COL5A2: variants seen among roughly 807,000 people sequenced by gnomAD.
COL5A2 encodes the protein collagen type V alpha 2 chain.
COL5A2 carries 23 observed loss-of-function variants against 208.2 expected under a neutral mutation model. That is an observed-to-expected ratio of 0.11 (90% CI 0.08 to 0.16). The LOEUF is 0.16. Ranked by LOEUF, COL5A2 falls within the 10% of genes least tolerant of loss-of-function variation. The pLI is 1.00. For synonymous variants in COL5A2, 625 were observed against 628.5 expected, an observed-to-expected ratio of 0.99 and a Z score of 0.08; for missense variants, 1,590 against 1,956.4, an observed-to-expected ratio of 0.81 and a Z score of 3.53.
the COL5A2 span, among the ~76,000 whole-genome samples, chr2:189,424,721 A>G: frequency 6.6e-6 from 1 of 152,220 alleles, no homozygotes; most frequent in African/African-American, 2.4e-5. Flanking sequence ...AATAACTAAT[A>G]TTGTTACAAT....
At chr2:189,084,344 C>A (rs965461226) in intron 11 of COL5A2, among the ~76,000 whole-genome samples, 1 of 152,096 alleles carries the variant, frequency 6.6e-6, no homozygotes, top group Admixed American at 6.5e-5. Context: ...CATAAACATA[C>A]ATGTATGCTA....
intron 29 of COL5A2, among the ~76,000 whole-genome samples, chr2:189,061,963 G>C (rs2105587463): frequency 6.6e-6 from 1 of 152,098 alleles, no homozygotes; most frequent in Non-Finnish European, 1.5e-5. Context: ...TTTTATTATA[G>C]TTTATTTCTG....
intron 1 of COL5A2, among the ~76,000 whole-genome samples, chr2:189,223,303 G>A (rs1285637101): frequency 6.6e-6 from 1 of 152,074 alleles, no homozygotes; most frequent in Admixed American, 6.6e-5. Flanking sequence ...GCCATACACT[G>A]AACAGAATTC....
the COL5A2 span, among the ~76,000 whole-genome samples, chr2:189,324,661 G>A: frequency 4.6e-5 from 7 of 152,304 alleles, no homozygotes; most frequent in South Asian, 4.1e-4. Flanking sequence ...AAAAAGTCAC[G>A]AAACAACAGG....
intron 1 of COL5A2, among the ~76,000 whole-genome samples, chr2:189,175,688 T>G (rs1238353979): frequency 6.6e-6 from 1 of 151,774 alleles, no homozygotes; most frequent in Non-Finnish European, 1.5e-5. Context: ...GGACCACGCC[T>G]ACCTAATTTT....
the COL5A2 span, among the ~76,000 whole-genome samples, chr2:189,400,734 G>A: frequency 2.0e-5 from 3 of 152,100 alleles, no homozygotes; most frequent in African/African-American, 7.2e-5. Context: ...TATCTCACTG[G>A]TCAAGCAGAA....
chr2:189,089,814 A>G (rs1440196719), intron 7 of COL5A2, among the ~76,000 whole-genome samples: 1 of 152,194 alleles, frequency 6.6e-6, no homozygotes, highest in Non-Finnish European at 1.5e-5. Context: ...GCCTTGAATG[A>G]TGCCCATACA....
intron 1 of COL5A2, among the ~76,000 whole-genome samples, chr2:189,162,513 TA>T (rs1688387121): frequency 6.6e-6 from 1 of 152,190 alleles, no homozygotes; most frequent in Non-Finnish European, 1.5e-5. Context: ...GAATGGGATT[TA>T]AATCCCCCAA....
the COL5A2 span, among the ~76,000 whole-genome samples, chr2:189,315,656 T>C: frequency 2.6e-5 from 4 of 152,138 alleles, no homozygotes; most frequent in African/African-American, 9.7e-5. Context: ...TGTTTGCAGA[T>C]GACATAATCC....
intron 1 of COL5A2, among the ~76,000 whole-genome samples, chr2:189,121,858 T>C (rs1687509224): frequency 6.6e-6 from 1 of 151,392 alleles, no homozygotes; most frequent in Non-Finnish European, 1.5e-5. Context: ...AAAAATAGTA[T>C]AATGTCTAGT....
At chr2:189,364,805 G>A in the COL5A2 span, among the ~76,000 whole-genome samples, 14 of 152,052 alleles carry the variant, frequency 9.2e-5, no homozygotes, top group Non-Finnish European at 1.8e-4. Context: ...AACTGCCAAC[G>A]TCATCAAAAA....
intron 5 of COL5A2, among the ~76,000 whole-genome samples, chr2:189,098,492 A>C (rs375382945): frequency 1.3e-5 from 2 of 152,242 alleles, no homozygotes; most frequent in South Asian, 2.1e-4. Context: ...TCTTTTACAT[A>C]ACCAATAGCA....
chr2:189,367,557 T>A, the COL5A2 span, among the ~76,000 whole-genome samples: 4 of 152,186 alleles, frequency 2.6e-5, no homozygotes, highest in Non-Finnish European at 5.9e-5. Context: ...GAAGCCACTT[T>A]CCACATTATT....
chr2:189,402,281 G>T, the COL5A2 span, among the ~76,000 whole-genome samples: 2 of 152,136 alleles, frequency 1.3e-5, no homozygotes, highest in Non-Finnish European at 2.9e-5. Context: ...GCAGTGGTGC[G>T]ATCTTGGCTC....
At chr2:189,089,501 T>C (rs10181597) in intron 7 of COL5A2, among the ~76,000 whole-genome samples, 108,333 of 152,084 alleles carry the variant, frequency 0.71, 39,582 homozygotes, top group Non-Finnish European at 0.81. Context: ...TGTATGAACT[T>C]TTGTAAAGCA....
chr2:189,337,698 C>G, the COL5A2 span, among the ~76,000 whole-genome samples: 1 of 151,862 alleles, frequency 6.6e-6, no homozygotes, highest in African/African-American at 2.4e-5. Context: ...CTCTTCTGCT[C>G]TAATATATCA....
chr2:189,373,414 A>G, the COL5A2 span, among the ~76,000 whole-genome samples: 1 of 152,180 alleles, frequency 6.6e-6, no homozygotes, highest in Non-Finnish European at 1.5e-5. Context: ...CTGTTCAAAT[A>G]TTCATCAACC....
intron 47 of COL5A2, among the ~76,000 whole-genome samples, chr2:189,044,667 TG>T (rs1425798430): frequency 2.0e-5 from 3 of 152,128 alleles, no homozygotes; most frequent in Non-Finnish European, 4.4e-5. Context: ...CTGATGGGCA[TG>T]AAAAGCATAT....
chr2:189,374,088 C>G, the COL5A2 span, among the ~76,000 whole-genome samples: 1 of 151,924 alleles, frequency 6.6e-6, no homozygotes, highest in Non-Finnish European at 1.5e-5. Flanking sequence ...TGAACCTTAC[C>G]TGGGAAAGCA....
Sources: allele counts gnomAD v4.1 joint callset (sites outside exome capture counted in the v4.1 genomes callset), GRCh38; gene constraint gnomAD v4.1.1; transcripts MANE v1.5; gene names NCBI Gene and HGNC (gene_info 2026-07-23, HGNC 2026-07-21).